SHH: variants seen among roughly 807,000 people sequenced by gnomAD.
SHH encodes the protein sonic hedgehog signaling molecule, also known as sonic hedgehog protein.
In SHH, 3 loss-of-function variants were observed where a neutral mutation model predicts 16.6. The ratio of observed to expected loss-of-function variants is 0.18; its 90% CI spans 0.08 to 0.47. SHH has a LOEUF of 0.47. SHH is among the 20% of genes least tolerant of loss of function. The pLI is 0.98. For missense variants in SHH, 499 were observed against 665.0 expected (o/e 0.75, Z 2.75); for synonymous variants, 351 against 316.2 (o/e 1.11, Z -1.17).
chr7:155,810,866 C>G (rs1803508217), intron 1 of SHH, among the ~76,000 whole-genome samples: 1 of 152,226 alleles, frequency 6.6e-6, no homozygotes, highest in Admixed American at 6.5e-5. Flanking sequence ...CAAGGAAACC[C>G]ATTTCTGGCT....
intron 2 of SHH, among the ~76,000 whole-genome samples, chr7:155,805,312 GC>G (rs1803328258): frequency 6.6e-6 from 1 of 152,036 alleles, no homozygotes; most frequent in South Asian, 2.1e-4. Context: ...CGCCCCTGCC[GC>G]CCCCGCTCCA....
Position 155,803,325 on chromosome 7 carries a change from C to T in SHH, c.964G>A (p.Asp322Asn), listed in dbSNP as rs1480063398. Reference protein sequence around the residue: ...GQRVYVVAERDGDRRLLPAAV... With the variant: ...GQRVYVVAERNGDRRLLPAAV... ...GCGGGCAGGAGCCGGCGGTCCCCGT[C>T]ACGCTCGGCCACCACGTACACGCGC... Residue 322 changes from aspartate to asparagine, a missense_variant, in exon 3 of 3, where the codon GAC becomes AAC. Asp to Asn is a conservative substitution (Grantham distance 23, BLOSUM62 1). This residue lies in a region of SHH where 299 missense variants were observed against 301.1 expected (regional missense o/e 0.99). Transcript: ENST00000297261. 21 of 1,474,078 alleles carry T rather than the reference C, an allele frequency of 1.4e-5. No individual in the cohort carries two copies. The South Asian group carries it at 2.6e-4, about 18-fold the overall frequency. The allele number at this position is 1,474,078 out of a possible 1,614,324, so 91.3% of individuals were successfully genotyped here.
chr7:155,810,184 T>C (rs865819305), intron 1 of SHH, among the ~76,000 whole-genome samples: 1 of 152,212 alleles, frequency 6.6e-6, no homozygotes, highest in African/African-American at 2.4e-5. Flanking sequence ...TCTGTGCGCT[T>C]GCAGCTTTGC....
chr7:155,812,038 C>T lies in SHH; in HGVS notation c.85G>A (p.Gly29Arg), dbSNP rs1443838383. 1 of 1,614,078 alleles carries T rather than the reference C, an allele frequency of 6.2e-7. No individual in the cohort carries two copies. The highest frequency in any genetic ancestry group is 1.3e-5 in the African/African-American group (1 of 74,940). ...CSGLACGPGR[G>R]FGKRRHPKKL... is the part of the protein sequence containing the mutation. ...TTGGGGTGCCTCCTCTTCCCGAACCCCCTGCCCGGTCCGCACGCCAGTCCC... is the reference window on the plus strand; with the variant it reads ...TTGGGGTGCCTCCTCTTCCCGAACCTCCTGCCCGGTCCGCACGCCAGTCCC... Residue 29 changes from glycine (G) to arginine (R), a missense_variant, in exon 1 of 3, where the codon GGG (glycine) becomes AGG (arginine). Physicochemically the swap from Gly to Arg is moderately radical, Grantham distance 125. This residue lies in a region of SHH where 75 missense variants were observed against 115.0 expected (regional missense o/e 0.65). Coordinates refer to ENST00000297261, the MANE Select transcript of SHH (RefSeq NM_000193.4).
chr7:155,802,836 G>T lies in SHH; in HGVS notation c.*64C>A. 2.1e-6 allele frequency: 2 copies of T among 949,058 alleles called. No individual in the cohort carries two copies. Among genetic ancestry groups the T allele is most frequent in the Non-Finnish European group, 2.9e-6 (2 of 688,062 alleles). 58.8% of individuals were successfully genotyped at this position (949,058 alleles called of 1,614,324 possible). The stretch of plus-strand genomic sequence containing the variant: ...GTGCGCCTTTTCCGAGTGTCTTTTT[G>T]CTTTGCGTTGCTGTTGCTGCCCCGC... On this transcript the variant is annotated 3_prime_UTR_variant, in exon 3 of 3. Coordinates refer to ENST00000297261, the MANE Select transcript of SHH (RefSeq NM_000193.4).
chr7:155,810,170 C>CG (rs1563202501), intron 1 of SHH, among the ~76,000 whole-genome samples: 1 of 152,240 alleles, frequency 6.6e-6, no homozygotes, highest in Non-Finnish European at 1.5e-5. Flanking sequence ...CCTCGCTGCG[C>CG]GGCTCTGTGC....
rs10596345 is a variant in SHH at position 155,802,076 on chromosome 7, C to CAAAAAAAAAAAAAAAAAAAAAAAAA, written c.*823_*824insTTTTTTTTTTTTTTTTTTTTTTTTT. 4.4e-5 allele frequency: 4 copies of CAAAAAAAAAAAAAAAAAAAAAAAAA among 91,224 alleles called. No individual in the cohort carries two copies. Among genetic ancestry groups the CAAAAAAAAAAAAAAAAAAAAAAAAA allele is most frequent in the African/African-American group, 1.8e-4 (4 of 22,626 alleles). The allele number at this position is 91,224 out of a possible 1,614,324, so 5.7% of individuals were successfully genotyped here. A position where few individuals can be genotyped will look rare whatever the true frequency, so the allele number is the denominator to read the frequency against. On this transcript the variant is annotated 3_prime_UTR_variant, in exon 3 of 3. Coordinates refer to ENST00000297261, the MANE Select transcript of SHH (RefSeq NM_000193.4). The stretch of plus-strand genomic sequence containing the variant: ...AAAATAACAGTTCTTCCAGTTTGTC[C>CAAAAAAAAAAAAAAAAAAAAAAAAA]AAAAAAAAAAAAAAAAAAAAAAAAG...
At position 155,803,443 on chromosome 7, in the gene SHH, G is replaced by A. The variant is rs1181080058; in HGVS notation, c.846C>T (p.Thr282=). Residue 282 remains threonine (T), a synonymous_variant, in exon 3 of 3, where the codon ACC becomes ACT. Transcript: ENST00000297261. The part of the protein sequence containing the change: ...LFVAPHNDSA[T]GEPEASSGSG... ...AGCCCGAGGACGCCTCGGGCTCCCC[G>A]GTGGCCGAGTCGTTGTGCGGCGCCA... 1.3e-5 allele frequency: 20 copies of A among 1,540,456 alleles called. No individual in the cohort carries two copies. The highest frequency in any genetic ancestry group is 1.9e-4 in the Middle Eastern group (1 of 5,150).
Position 155,800,824 on chromosome 7 carries a change from C to A in SHH, c.*2076G>T. 1 of 350,414 alleles carries A rather than the reference C, an allele frequency of 2.9e-6. No individual in the cohort carries two copies. Among genetic ancestry groups the A allele is most frequent in the Admixed American group, 3.8e-5 (1 of 26,488 alleles). 21.7% of individuals were successfully genotyped at this position (350,414 alleles called of 1,614,324 possible). A position where few individuals can be genotyped will look rare whatever the true frequency, so the allele number is the denominator to read the frequency against. On this transcript the variant is annotated 3_prime_UTR_variant, in exon 3 of 3. Coordinates refer to ENST00000297261, the MANE Select transcript of SHH (RefSeq NM_000193.4). ...GCAGAGCAGACCCTCAGGGACTGGG[C>A]CCAACCTCGGGAGCCAGCCCCTGCC... is the stretch of plus-strand genomic sequence containing the variant.
At chr7:155,806,224 T>A in intron 2 of SHH, 72 bp downstream of exon 2, 1 of 1,599,374 alleles carries the variant, frequency 6.3e-7, no homozygotes, top group Non-Finnish European at 8.6e-7. Flanking sequence ...AGGTTTCTTT[T>A]TCTCTTGAAT....
chr7:155,803,416 C>G lies in SHH; in HGVS notation c.873G>C (p.Ser291=), dbSNP rs1404435726. ...CCAGTGCGCCCCCGGAAGGCGGCCC[C>G]GAGCCCGAGGACGCCTCGGGCTCCC... ...ATGEPEASSG[S]GPPSGGALGP... Residue 291 remains serine (S), a synonymous_variant, in exon 3 of 3, where the codon TCG becomes TCC. Transcript: ENST00000297261. 3 of 1,526,618 alleles carry G rather than the reference C, an allele frequency of 2.0e-6. No individual in the cohort carries two copies. Among genetic ancestry groups the G allele is most frequent in the Admixed American group, 4.0e-5 (2 of 50,376 alleles). The allele number at this position is 1,526,618 out of a possible 1,614,324, so 94.6% of individuals were successfully genotyped here.
chr7:155,803,393 A>G lies in SHH; in HGVS notation c.896T>C (p.Leu299Pro). The stretch of plus-strand genomic sequence containing the variant: ...GCTGGCGAACAGCGCCCGAGGCCCC[A>G]GTGCGCCCCCGGAAGGCGGCCCCGA... ...SGSGPPSGGA[L>P]GPRALFASRV... The change falls in exon 3 of 3, where the codon CTG becomes CCG. Residue 299 changes from leucine (L) to proline (P), a missense_variant. Coordinates refer to ENST00000297261, the MANE Select transcript of SHH (RefSeq NM_000193.4). 1.3e-6 allele frequency: 2 copies of G among 1,503,392 alleles called. No individual in the cohort carries two copies. Among genetic ancestry groups the G allele is most frequent in the Non-Finnish European group, 8.8e-7 (1 of 1,135,120 alleles). 93.1% of individuals were successfully genotyped at this position (1,503,392 alleles called of 1,614,324 possible). A position where few individuals can be genotyped will look rare whatever the true frequency, so the allele number is the denominator to read the frequency against.
At chr7:155,808,562 A>C (rs1315614752) in intron 1 of SHH, among the ~76,000 whole-genome samples, 1 of 152,162 alleles carries the variant, frequency 6.6e-6, no homozygotes, top group Non-Finnish European at 1.5e-5. Flanking sequence ...GGGTTGCTGG[A>C]GTTGGCGCCC....
Position 155,811,820 on chromosome 7 carries a change from T to C in SHH, c.300+3A>G, listed in dbSNP as rs762733503. 1.9e-6 allele frequency: 3 copies of C among 1,614,146 alleles called. No individual in the cohort carries two copies. Among genetic ancestry groups the C allele is most frequent in the African/African-American group, 2.7e-5 (2 of 75,056 alleles). ...ATTCCACGCCCCGGCGCTGGGTTCC[T>C]ACCTGAGTCATCAGCCTGTCCGCTC... On this transcript the variant is annotated splice_donor_region_variant and intron_variant, in intron 1 of 2. Coordinates refer to ENST00000297261, the MANE Select transcript of SHH (RefSeq NM_000193.4).
Position 155,803,263 on chromosome 7 carries a change from C to T in SHH, c.1026G>A (p.Ala342=). ...GGGCCGTGAGCGGCGCGTAGGCGCCCGCGGCCTCCTCGCTTAGGGTCACGC... is the reference window on the plus strand; with the variant it reads ...GGGCCGTGAGCGGCGCGTAGGCGCCTGCGGCCTCCTCGCTTAGGGTCACGC... The part of the protein sequence containing the change: ...VHSVTLSEEA[A]GAYAPLTAQG... The change falls in exon 3 of 3, where the codon GCG becomes GCA. Residue 342 remains alanine, a synonymous_variant. Coordinates refer to ENST00000297261, the MANE Select transcript of SHH (RefSeq NM_000193.4). The T allele has an allele frequency of 6.6e-7, 1 of 1,511,000 alleles. No homozygotes were observed. The highest frequency in any genetic ancestry group is 8.8e-7 in the Non-Finnish European group (1 of 1,137,380). The allele number at this position is 1,511,000 out of a possible 1,614,324, so 93.6% of individuals were successfully genotyped here. A position where few individuals can be genotyped will look rare whatever the true frequency, so the allele number is the denominator to read the frequency against.
In SHH at chr7:155,811,916, G is replaced by A. The variant is rs1356119400; in HGVS notation, c.207C>T (p.Asn69=). The change falls in exon 1 of 3, where the codon AAC becomes AAT. Residue 69 remains asparagine, a synonymous_variant. Coordinates refer to ENST00000297261, the MANE Select transcript of SHH (RefSeq NM_000193.4). ...SGRYEGKISR[N]SERFKELTPN... The stretch of plus-strand genomic sequence containing the variant: ...GGGTGAGTTCCTTAAATCGCTCGGA[G>A]TTTCTGGAGATCTTCCCTTCATACC... The A allele has an allele frequency of 6.2e-7, 1 of 1,614,042 alleles. No individual in the cohort carries two copies. The highest frequency in any genetic ancestry group is 1.3e-5 in the African/African-American group (1 of 74,898).
In SHH at chr7:155,807,647, GT is replaced by G. The variant is rs1271579943; in HGVS notation, c.301-1091del. 2.0e-5 allele frequency among the ~76,000 whole-genome samples: 3 copies of G among 152,226 alleles called. No homozygotes were observed. Among genetic ancestry groups the G allele is most frequent in the African/African-American group, 7.2e-5 (3 of 41,454 alleles). ...TCAGATAAGGATGCGACAGAAAGCA[GT>G]TGAATCCACTGTGTGTGTTTGTGGG... On this transcript the variant is annotated intron_variant, in intron 1 of 2. Transcript: ENST00000297261. The surrounding 1 kb of genome is among the most constrained non-coding windows in gnomAD (Gnocchi z 7.1).
chr7:155,800,148 C>G lies in SHH; in HGVS notation c.*2752G>C, dbSNP rs933873909. On this transcript the variant is annotated 3_prime_UTR_variant, in exon 3 of 3. Transcript: ENST00000297261. ...TGCACAAACTCTTGGCTCCGTCAAC[C>G]CTGAATGAGAAGTCGGCGCCTCGTC... The G allele has an allele frequency of 6.4e-6, 3 of 471,448 alleles. No homozygotes were observed. Among genetic ancestry groups the G allele is most frequent in the Admixed American group, 4.7e-5 (2 of 42,574 alleles). The allele number at this position is 471,448 out of a possible 1,614,324, so 29.2% of individuals were successfully genotyped here.
intron 2 of SHH, among the ~76,000 whole-genome samples, chr7:155,805,593 C>A (rs971785976): frequency 6.6e-6 from 1 of 152,224 alleles, no homozygotes. Context: ...GATGGCGCCT[C>A]CTCCACGGCT....
Sources: allele counts gnomAD v4.1 joint callset (sites outside exome capture counted in the v4.1 genomes callset), GRCh38; gene constraint gnomAD v4.1.1; regional missense constraint gnomAD v4.1.1; non-coding constraint Gnocchi (gnomAD v3.1); transcripts MANE v1.5; gene names NCBI Gene and HGNC (gene_info 2026-07-23, HGNC 2026-07-21).